Variants in STK32C observed in about 807,000 individuals in gnomAD.
The protein encoded by STK32C is serine/threonine kinase 32C, also known as serine/threonine-protein kinase 32C.
A neutral mutation model predicts 56.5 loss-of-function variants in STK32C; 31 were observed. The ratio of observed to expected loss-of-function variants is 0.55; its 90% CI spans 0.41 to 0.74. The LOEUF (loss-of-function observed/expected upper bound fraction) is 0.74. Ranked by LOEUF, STK32C falls within the 30% of genes least tolerant of loss-of-function variation. STK32C has a pLI of 0.00. For synonymous variants in STK32C, 309 were observed against 289.4 expected, an observed-to-expected ratio of 1.07 and a Z score of -0.69; for missense variants, 544 against 676.9, an observed-to-expected ratio of 0.80 and a Z score of 2.18.
chr10:132,266,574 G>A (rs906951319), intron 1 of STK32C, among the ~76,000 whole-genome samples: 1 of 152,178 alleles, frequency 6.6e-6, no homozygotes, highest in African/African-American at 2.4e-5. Context: ...ACCTTTGGCA[G>A]CAGGAAACTG....
chr10:132,291,717 C>T (rs749905052), intron 1 of STK32C, among the ~76,000 whole-genome samples: 1 of 152,152 alleles, frequency 6.6e-6, no homozygotes, highest in African/African-American at 2.4e-5. Flanking sequence ...AAACAGGCCT[C>T]GAGAGAGAAC....
chr10:132,331,908 G>A (rs1482220444), upstream of STK32C: 1 of 841,124 alleles, frequency 1.2e-6, no homozygotes, highest in Non-Finnish European at 1.7e-6. Flanking sequence ...CCGCGCAGGC[G>A]CACCACAACC....
exon 1 of STK32C, chr10:132,331,491 G>A (rs768793299): frequency 2.2e-5 from 36 of 1,612,778 alleles, no homozygotes; most frequent in Non-Finnish European, 2.9e-5. Context: ...CTTCTCCAAA[G>A]AGGACGCTCT....
rs550383622 is a variant in STK32C, at chr10:132,313,159, G to A, written c.301+18277C>T. ...ACGGTTTAGACACAACAACCAACCA[G>A]CTTTAATGTTAAGCTGGAGACCATA... is the stretch of plus-strand genomic sequence containing the variant. On this transcript the variant is annotated intron_variant, in intron 1 of 3. Transcript: ENST00000368620. Among the ~76,000 whole-genome samples the A allele has an allele frequency of 5.4e-4, 82 of 152,334 alleles. 1 individual carries two copies. In the South Asian group the frequency reaches 0.015, roughly 28 times the overall value.
In STK32C at chr10:132,255,518, G is replaced by A. The variant is rs2064085396; in HGVS notation, c.263-9563C>T. Among the ~76,000 whole-genome samples, 1 of 152,202 alleles carries A rather than the reference G, an allele frequency of 6.6e-6. No individual in the cohort carries two copies. The highest frequency in any genetic ancestry group is 1.9e-4 in the East Asian group (1 of 5,196). ...CAAGACAGGTGGGGGCTAGAGACAG[G>A]CATGAGAGCCGCTGGGCAGGGGTGA... On this transcript the variant is annotated intron_variant, in intron 1 of 11. Coordinates refer to ENST00000298630, the MANE Select transcript of STK32C (RefSeq NM_173575.4). This position sits in a 1 kb window ranked among gnomAD's most constrained non-coding sequence, Gnocchi z 4.6.
At chr10:132,275,550 C>T (rs971834914) in intron 1 of STK32C, among the ~76,000 whole-genome samples, 6 of 152,214 alleles carry the variant, frequency 3.9e-5, no homozygotes, top group African/African-American at 1.2e-4. Context: ...TCTCAGTGCC[C>T]GCTCTTCCTT....
chr10:132,229,543 C>T (rs924930085), intron 2 of STK32C, among the ~76,000 whole-genome samples: 1 of 152,232 alleles, frequency 6.6e-6, no homozygotes, highest in Non-Finnish European at 1.5e-5. Flanking sequence ...AATCTGCAAT[C>T]TTCATTCCTC....
At chr10:132,259,605 A>C (rs540708886) in intron 1 of STK32C, among the ~76,000 whole-genome samples, 3 of 152,318 alleles carry the variant, frequency 2.0e-5, no homozygotes, top group African/African-American at 7.2e-5. Context: ...TCCAGCCATG[A>C]GAACGTGCTG....
intron 1 of STK32C, among the ~76,000 whole-genome samples, chr10:132,257,272 C>T (rs73383241): frequency 0.082 from 12,502 of 152,176 alleles, 787 homozygotes; most frequent in African/African-American, 0.16. Flanking sequence ...GCCCTGTCCA[C>T]GTGTCTGTCC....
At chr10:132,275,312 T>C (rs976770901) in intron 1 of STK32C, among the ~76,000 whole-genome samples, 3 of 152,078 alleles carry the variant, frequency 2.0e-5, no homozygotes, top group African/African-American at 4.8e-5. Flanking sequence ...CCGGGGAAGA[T>C]GGTGAGTCAG....
In STK32C at chr10:132,307,723, C is replaced by A. The variant is rs369343037; in HGVS notation, c.111G>T (p.Pro37=). Residue 37 remains proline (P), a synonymous_variant, in exon 1 of 12, where the codon CCG becomes CCT. Coordinates refer to ENST00000298630, the MANE Select transcript of STK32C (RefSeq NM_173575.4). This position sits in a 1 kb window ranked among gnomAD's most constrained non-coding sequence, Gnocchi z 4.4. ...GGGCCCGGGGCTGGCCAGCAGCGGG[C>A]GGCGGCAGGGCCGAGGGCGCGTCGG... ...AGSDAPSALP[P]PAAGQPRARD... 595 of 1,289,796 alleles carry A rather than the reference C, an allele frequency of 4.6e-4. 4 individuals are homozygous for A. The African/African-American group carries it at 8.5e-3, about 19-fold the overall frequency. 79.9% of individuals were successfully genotyped at this position (1,289,796 alleles called of 1,614,324 possible).
chr10:132,305,952 T>G (rs1465856783), intron 1 of STK32C, among the ~76,000 whole-genome samples: 1 of 152,208 alleles, frequency 6.6e-6, no homozygotes, highest in Non-Finnish European at 1.5e-5. Context: ...CAGCCGAATC[T>G]CTGCCGTCCT....
chr10:132,270,802 G>T (rs945929358), intron 1 of STK32C, among the ~76,000 whole-genome samples: 1 of 152,140 alleles, frequency 6.6e-6, no homozygotes, highest in African/African-American at 2.4e-5. Context: ...TCCTGGCCAC[G>T]GTGAGGCTGC....
chr10:132,215,899 G>A (rs945177722), intron 10 of STK32C, among the ~76,000 whole-genome samples: 5 of 152,206 alleles, frequency 3.3e-5, no homozygotes, highest in African/African-American at 9.6e-5. Context: ...AGTCCAGGCT[G>A]AGCTGGTCTC....
intron 2 of STK32C, among the ~76,000 whole-genome samples, chr10:132,230,392 C>T (rs1325455772): frequency 6.6e-6 from 1 of 152,194 alleles, no homozygotes; most frequent in Non-Finnish European, 1.5e-5. Flanking sequence ...AGTCCCGTGC[C>T]CGGGATGGAA....
chr10:132,255,340 C>T lies in STK32C; in HGVS notation c.263-9385G>A, dbSNP rs950517033. Among the ~76,000 whole-genome samples, 2 of 152,142 alleles carry T rather than the reference C, an allele frequency of 1.3e-5. No homozygotes were observed. Among genetic ancestry groups the T allele is most frequent in the South Asian group, 4.1e-4 (2 of 4,830 alleles). On this transcript the variant is annotated intron_variant, in intron 1 of 11. Coordinates refer to ENST00000298630, the MANE Select transcript of STK32C (RefSeq NM_173575.4). This position sits in a 1 kb window ranked among gnomAD's most constrained non-coding sequence, Gnocchi z 4.6. ...ATAGCTCCTCCTGGCAATGGGTGCCCCCCACTCCCACTCCTCAGGTGCCCT... is the reference window on the plus strand; with the variant it reads ...ATAGCTCCTCCTGGCAATGGGTGCCTCCCACTCCCACTCCTCAGGTGCCCT...
intron 1 of STK32C, among the ~76,000 whole-genome samples, chr10:132,253,567 G>A (rs2063996843): frequency 1.5e-5 from 2 of 136,994 alleles, no homozygotes; most frequent in East Asian, 2.3e-4. Context: ...AGGGAGTCGA[G>A]GGAGCTGGAG....
chr10:132,226,509 G>A (rs1487119587), intron 4 of STK32C, among the ~76,000 whole-genome samples: 2 of 152,236 alleles, frequency 1.3e-5, no homozygotes, highest in South Asian at 2.1e-4. Flanking sequence ...GCCACCTGCT[G>A]TGACCCAGCC....
chr10:132,293,987 A>T (rs2065654397), intron 1 of STK32C, among the ~76,000 whole-genome samples: 1 of 152,132 alleles, frequency 6.6e-6, no homozygotes, highest in African/African-American at 2.4e-5. Flanking sequence ...AGGGGCCTTC[A>T]GGCGGGGCCA....
Sources: gnomAD v4.1 joint callset for allele counts (sites outside exome capture counted in the v4.1 genomes callset) on GRCh38, gnomAD v4.1.1 for gene constraint, Gnocchi (gnomAD v3.1) non-coding constraint, MANE v1.5 for transcripts, NCBI Gene and HGNC (gene_info 2026-07-23, HGNC 2026-07-21) for gene names.